The following SAMD4B variants were observed in gnomAD, a reference collection of about 807,000 sequenced individuals.
SAMD4B encodes protein Smaug homolog 2.
SAMD4B carries 5 observed loss-of-function variants against 74.5 expected under a neutral mutation model. The ratio of observed to expected loss-of-function variants is 0.07; its 90% confidence interval spans 0.04 to 0.14. SAMD4B has a LOEUF of 0.14. SAMD4B is among the 10% of genes least tolerant of loss of function. The probability of loss-of-function intolerance (pLI) is 1.00; values close to 1 mark genes in which losing one functional copy is unlikely to be tolerated. For synonymous variants in SAMD4B, 373 were observed against 374.9 expected (o/e 1.00, Z 0.06); for missense variants, 608 against 921.8 (o/e 0.66, Z 4.41).
rs1473723885 is a variant in SAMD4B at position 39,380,728 on chromosome 19, G to A, written c.1791G>A (p.Gly597=). The A allele has an allele frequency of 1.2e-6, 2 of 1,607,568 alleles. No homozygotes were observed. Among genetic ancestry groups the A allele is most frequent in the Admixed American group, 1.7e-5 (1 of 59,304 alleles). The part of the protein sequence containing the change: ...RMGLLSPSGI[G]GVSPRHALTS... Reference sequence around the variant, plus strand: ...GCCTCCTGAGCCCCTCGGGCATTGGGGGTGTCTCCCCTCGACATGCCCTCA... The same window carrying A: ...GCCTCCTGAGCCCCTCGGGCATTGGAGGTGTCTCCCCTCGACATGCCCTCA... Residue 597 remains glycine, a synonymous_variant, in exon 11 of 14, where the codon GGG becomes GGA. Transcript: ENST00000610417.
At chr19:39,353,514 G>A (rs537779640) in intron 1 of SAMD4B, among the ~76,000 whole-genome samples, 99 of 151,986 alleles carry the variant, frequency 6.5e-4, no homozygotes, top group Non-Finnish European at 1.2e-3. Flanking sequence ...TTAAAAAATG[G>A]CATTATATTG....
intron 3 of SAMD4B, 21 bp downstream of exon 3, chr19:39,357,110 A>T (rs748092328): frequency 3.2e-5 from 50 of 1,583,102 alleles, no homozygotes; most frequent in Non-Finnish European, 3.9e-5. Flanking sequence ...ACCCTTAGAG[A>T]TGGGAGCACA....
downstream of SAMD4B, chr19:39,389,274 T>C: frequency 6.2e-7 from 1 of 1,612,766 alleles, no homozygotes; most frequent in Non-Finnish European, 8.5e-7. The surrounding 1 kb of genome is among the most constrained non-coding windows in gnomAD (Gnocchi z 5.3). Flanking sequence ...TTCCTGTTAG[T>C]AACTTACTTG....
chr19:39,390,374 G>C (rs2145941660), downstream of SAMD4B: 1 of 1,293,264 alleles, frequency 7.7e-7, no homozygotes, highest in East Asian at 2.5e-5. Flanking sequence ...CTTTCAAAAG[G>C]TAGGAGGGGT....
chr19:39,342,936 G>A (rs2075403646), intron 1 of SAMD4B, among the ~76,000 whole-genome samples: 1 of 130,514 alleles, frequency 7.7e-6, no homozygotes, highest in Non-Finnish European at 1.6e-5. Context: ...AAAGGTCCCC[G>A]CAAAACCCAC....
At chr19:39,376,387 G>C (rs781284860) in intron 5 of SAMD4B, 50 bp from the exon 6 acceptor site, 13 of 1,481,322 alleles carry the variant, frequency 8.8e-6, no homozygotes, top group African/African-American at 1.4e-5. Context: ...CCTTTACCCT[G>C]GTAATCTGGG....
chr19:39,354,488 C>T (rs1413163016), intron 2 of SAMD4B, among the ~76,000 whole-genome samples: 3 of 152,192 alleles, frequency 2.0e-5, no homozygotes, highest in Admixed American at 1.3e-4. Context: ...CTTCCACATT[C>T]ACCTTCTATA....
At chr19:39,354,207 C>T (rs1463046418) in intron 2 of SAMD4B, 141 bp downstream of exon 2, 1 of 152,230 alleles carries the variant, frequency 6.6e-6, no homozygotes, top group Admixed American at 6.5e-5. Context: ...TCAGCATTTC[C>T]TCTATCCCAT....
downstream of SAMD4B, chr19:39,385,848 G>T (rs548039255): frequency 4.9e-6 from 6 of 1,216,580 alleles, no homozygotes; most frequent in African/African-American, 6.0e-5. Context: ...GCTGGGAGGG[G>T]AAGTAAAGAG....
Position 39,342,494 on chromosome 19 carries a change from C to G in SAMD4B, c.-349C>G, listed in dbSNP as rs1361766304. ...GTCGGTGCGGGAGGAGGGAGGGGAGCTTGCGGGCCCGAGAGGGGGCGACGG... is the reference window on the plus strand; with the variant it reads ...GTCGGTGCGGGAGGAGGGAGGGGAGGTTGCGGGCCCGAGAGGGGGCGACGG... On this transcript the variant is annotated 5_prime_UTR_variant, in exon 1 of 14. Transcript: ENST00000610417. The G allele has an allele frequency of 2.3e-5, 4 of 176,854 alleles. No individual in the cohort carries two copies. The highest frequency in any genetic ancestry group is 7.3e-5 in the African/African-American group (3 of 41,070). 11.0% of individuals were successfully genotyped at this position (176,854 alleles called of 1,614,324 possible).
In SAMD4B at chr19:39,383,771, G is replaced by A; in HGVS notation, c.*244G>A. 7.0e-7 allele frequency: 1 copy of A among 1,433,210 alleles called. No individual in the cohort carries two copies. Among genetic ancestry groups the A allele is most frequent in the Non-Finnish European group, 9.5e-7 (1 of 1,058,056 alleles). The allele number at this position is 1,433,210 out of a possible 1,614,324, so 88.8% of individuals were successfully genotyped here. A position where few individuals can be genotyped will look rare whatever the true frequency, so the allele number is the denominator to read the frequency against. Reference sequence around the variant, plus strand: ...GGGCAGCCAGGATAAAGGGGGCAGGGACTGGCCAGACTGCCTGCCTCTCTC... The same window carrying A: ...GGGCAGCCAGGATAAAGGGGGCAGGAACTGGCCAGACTGCCTGCCTCTCTC... On this transcript the variant is annotated 3_prime_UTR_variant, in exon 14 of 14. Coordinates refer to ENST00000610417, the MANE Select transcript of SAMD4B (RefSeq NM_001384574.2). This position sits in a 1 kb window ranked among gnomAD's most constrained non-coding sequence, Gnocchi z 4.1.
rs1370359414 is a variant in SAMD4B, at chr19:39,375,503, T to G, written c.668-147T>G. ...TGGAGGTAAGAGAATGAGGTATATC[T>G]GGTAGGCAGTTACCCTTGGACCCCA... is the stretch of plus-strand genomic sequence containing the variant. On this transcript the variant is annotated intron_variant, in intron 4 of 13. Transcript: ENST00000610417. This position sits in a 1 kb window ranked among gnomAD's most constrained non-coding sequence, Gnocchi z 4.1. The G allele has an allele frequency of 2.3e-5, 22 of 969,990 alleles. No individual in the cohort carries two copies. The East Asian group carries it at 5.3e-4, about 24-fold the overall frequency. The allele number at this position is 969,990 out of a possible 1,614,324, so 60.1% of individuals were successfully genotyped here. A position where few individuals can be genotyped will look rare whatever the true frequency, so the allele number is the denominator to read the frequency against.
At chr19:39,386,461 GTC>G, downstream of SAMD4B, 1 of 1,614,124 alleles carries the variant, frequency 6.2e-7, no homozygotes, top group Non-Finnish European at 8.5e-7. This position sits in a 1 kb window ranked among gnomAD's most constrained non-coding sequence, Gnocchi z 6.1. Context: ...GGCTCCCAGA[GTC>G]TGGCCTGTCC....
At chr19:39,366,942 G>A (rs1483985032) in intron 3 of SAMD4B, among the ~76,000 whole-genome samples, 1 of 152,124 alleles carries the variant, frequency 6.6e-6, no homozygotes, top group African/African-American at 2.4e-5. Context: ...GAATCTCTGT[G>A]TGTATCTGAA....
At chr19:39,370,713 ACTGT>A (rs1568359112) in intron 4 of SAMD4B, among the ~76,000 whole-genome samples, 2 of 152,370 alleles carry the variant, frequency 1.3e-5, no homozygotes, top group East Asian at 1.9e-4. Flanking sequence ...TTCTGAGAAC[ACTGT>A]CTGTATAAGA....
At position 39,383,078 on chromosome 19, in the gene SAMD4B, C is replaced by T. The variant is rs2078102339; in HGVS notation, c.1973-130C>T. 1 of 753,270 alleles carries T rather than the reference C, an allele frequency of 1.3e-6. No homozygotes were observed. Among genetic ancestry groups the T allele is most frequent in the South Asian group, 1.5e-5 (1 of 67,308 alleles). The allele number at this position is 753,270 out of a possible 1,614,324, so 46.7% of individuals were successfully genotyped here. A position where few individuals can be genotyped will look rare whatever the true frequency, so the allele number is the denominator to read the frequency against. On this transcript the variant is annotated intron_variant, in intron 12 of 13. Coordinates refer to ENST00000610417, the MANE Select transcript of SAMD4B (RefSeq NM_001384574.2). This position sits in a 1 kb window ranked among gnomAD's most constrained non-coding sequence, Gnocchi z 4.1. ...CGCTCGCCTCTCTCCCTGTCCACCT[C>T]CTCCCGTTCTTCCCTCTCCCCCTCC...
Position 39,383,369 on chromosome 19 carries a change from T to C in SAMD4B, c.2056+78T>C. 1 of 1,570,712 alleles carries C rather than the reference T, an allele frequency of 6.4e-7. No individual in the cohort carries two copies. Among genetic ancestry groups the C allele is most frequent in the South Asian group, 1.1e-5 (1 of 90,242 alleles). ...CTCTGAACTGAGCAACTCAGAGTCATCCTGAGGGGTCCCCAGGGGAGGCCA... is the reference window on the plus strand; with the variant it reads ...CTCTGAACTGAGCAACTCAGAGTCACCCTGAGGGGTCCCCAGGGGAGGCCA... On this transcript the variant is annotated intron_variant, in intron 13 of 13. Transcript: ENST00000610417. The surrounding 1 kb of genome is among the most constrained non-coding windows in gnomAD (Gnocchi z 4.1).
intron 12 of SAMD4B, chr19:39,381,426 T>G: frequency 4.2e-6 from 1 of 240,458 alleles, no homozygotes; most frequent in Non-Finnish European, 8.1e-6. Flanking sequence ...TCTCTTTCTT[T>G]ACAGGATCAT....
At position 39,381,090 on chromosome 19, in the gene SAMD4B, A is replaced by G; in HGVS notation, c.1949A>G (p.Gln650Arg). 2 of 1,612,084 alleles carry G rather than the reference A, an allele frequency of 1.2e-6. No individual in the cohort carries two copies. Among genetic ancestry groups the G allele is most frequent in the Non-Finnish European group, 1.7e-6 (2 of 1,179,638 alleles). The change falls in exon 12 of 14, where the codon CAG becomes CGG. Residue 650 changes from glutamine (Q) to arginine (R), a missense_variant. Gln to Arg is a conservative substitution (Grantham distance 43). Coordinates refer to ENST00000610417, the MANE Select transcript of SAMD4B (RefSeq NM_001384574.2). ...THSLPVHSSP[Q>R]AILMFPPDCP... ...TCGCTCCCGGTCCACTCGTCACCCC[A>G]GGCCATTCTCATGTTCCCTCCAGGT...
Sources: allele counts gnomAD v4.1 joint callset (sites outside exome capture counted in the v4.1 genomes callset), GRCh38; gene constraint gnomAD v4.1.1; non-coding constraint Gnocchi (gnomAD v3.1); transcripts MANE v1.5; gene names NCBI Gene and HGNC (gene_info 2026-07-23, HGNC 2026-07-21).